CCDC171: variants seen among roughly 807,000 people sequenced by gnomAD.
CCDC171 encodes the protein coiled-coil domain containing 171.
A neutral mutation model predicts 168.2 loss-of-function variants in CCDC171; 177 were observed. The observed-to-expected ratio is 1.05, with a 90% confidence interval of 0.93 to 1.19. CCDC171 has a LOEUF of 1.19. Ranked by LOEUF, CCDC171 falls within the 50% of genes most tolerant of loss-of-function variation. CCDC171 has a pLI of 0.00. For missense variants in CCDC171, 1,991 were observed against 1,539.0 expected (o/e 1.29, Z -4.91); for synonymous variants, 687 against 540.8 (o/e 1.27, Z -3.75).
chr9:15,949,770 C>T lies in CCDC171; in HGVS notation c.3754-21839C>T, dbSNP rs937233377. On this transcript the variant is annotated intron_variant, in intron 25 of 25. Transcript: ENST00000380701. ...CTGCAAACAGGGACAATTTGACTTC[C>T]TCTTTTCCTAATTGAATACCCTTTA... Among the ~76,000 whole-genome samples, 109 of 152,106 alleles carry T rather than the reference C, an allele frequency of 7.2e-4. 1 individual carries two copies. Among genetic ancestry groups the T allele is most frequent in the African/African-American group, 2.4e-3 (99 of 41,422 alleles).
chr9:15,818,710 C>T (rs1365797716), intron 21 of CCDC171, among the ~76,000 whole-genome samples: 1 of 117,928 alleles, frequency 8.5e-6, no homozygotes, highest in Non-Finnish European at 1.9e-5. Context: ...ACCACATCTA[C>T]GTCTGATTGG....
chr9:15,806,982 A>G (rs543758574), intron 21 of CCDC171, among the ~76,000 whole-genome samples: 1 of 152,248 alleles, frequency 6.6e-6, no homozygotes, highest in Admixed American at 6.5e-5. Flanking sequence ...TTCAAGTTCC[A>G]AGATTCTCTT....
intron 6 of CCDC171, among the ~76,000 whole-genome samples, chr9:16,027,504 C>A (rs570610804): frequency 6.6e-6 from 1 of 152,124 alleles, no homozygotes; most frequent in African/African-American, 2.4e-5. Context: ...ACTTTTCTCC[C>A]CAAAATCAAA....
chr9:15,805,167 GTT>G (rs2059014696), intron 21 of CCDC171, among the ~76,000 whole-genome samples: 1 of 150,812 alleles, frequency 6.6e-6, no homozygotes, highest in Admixed American at 6.6e-5. Flanking sequence ...CTAGTAGTCT[GTT>G]TTATTAAGTT....
At chr9:15,841,779 T>C (rs1052201737) in intron 21 of CCDC171, among the ~76,000 whole-genome samples, 21 of 151,952 alleles carry the variant, frequency 1.4e-4, no homozygotes, top group African/African-American at 7.2e-5. Context: ...AATATATTAT[T>C]CTTTAGTTTC....
chr9:15,898,728 G>A (rs990436126), intron 24 of CCDC171, among the ~76,000 whole-genome samples: 2 of 151,954 alleles, frequency 1.3e-5, no homozygotes, highest in African/African-American at 2.4e-5. Flanking sequence ...TAGATTCACA[G>A]AAAAGTACAA....
chr9:15,825,499 A>G (rs1233043727), intron 21 of CCDC171, among the ~76,000 whole-genome samples: 1 of 152,154 alleles, frequency 6.6e-6, no homozygotes, highest in South Asian at 2.1e-4. Flanking sequence ...TTAATTAAGG[A>G]TTAGAGTTTT....
In CCDC171 at chr9:15,994,894, A is replaced by C. The variant is rs140660303; in HGVS notation, n.369-25695A>C. 6.6e-3 allele frequency among the ~76,000 whole-genome samples: 1,011 copies of C among 152,248 alleles called. 18 individuals are homozygous for C. Among genetic ancestry groups the C allele is most frequent in the African/African-American group, 0.023 (956 of 41,556 alleles). ...TGGACTCTGATGGAATATTTTTTGC[A>C]TATGTAAGGAGGTCAGACATAATTT... On this transcript the variant is annotated intron_variant and non_coding_transcript_variant, in intron 3 of 9. Coordinates refer to the CCDC171 transcript ENST00000486641.
Position 15,973,507 on chromosome 9 carries a change from C to G in CCDC171, c.*1671C>G, listed in dbSNP as rs769026599. 5 of 152,112 alleles carry G rather than the reference C, an allele frequency of 3.3e-5. No individual in the cohort carries two copies. Among genetic ancestry groups the G allele is most frequent in the Non-Finnish European group, 5.9e-5 (4 of 68,006 alleles). 9.4% of individuals were successfully genotyped at this position (152,112 alleles called of 1,614,324 possible). A position where few individuals can be genotyped will look rare whatever the true frequency, so the allele number is the denominator to read the frequency against. Reference sequence around the variant, plus strand: ...TGTAACACATCCTATTCTTGTAATACTGAACCACTATAATTAGCTTTATAT... The same window carrying G: ...TGTAACACATCCTATTCTTGTAATAGTGAACCACTATAATTAGCTTTATAT... On this transcript the variant is annotated 3_prime_UTR_variant, in exon 26 of 26. Transcript: ENST00000380701.
intron 8 of CCDC171, among the ~76,000 whole-genome samples, chr9:15,663,949 C>T (rs2048522725): frequency 1.3e-5 from 2 of 152,068 alleles, no homozygotes; most frequent in South Asian, 2.1e-4. Context: ...AGAATAAACT[C>T]ATGTATTTTA....
chr9:16,095,973 T>C, the CCDC171 span, among the ~76,000 whole-genome samples: 1 of 150,984 alleles, frequency 6.6e-6, no homozygotes. Flanking sequence ...AGGCATTTGA[T>C]AAATATAATC....
At chr9:15,715,151 C>T (rs980403976) in intron 11 of CCDC171, among the ~76,000 whole-genome samples, 5 of 152,172 alleles carry the variant, frequency 3.3e-5, no homozygotes, top group African/African-American at 4.8e-5. Context: ...GAAGCAGGGA[C>T]TTCCGTTACT....
intron 23 of CCDC171, among the ~76,000 whole-genome samples, chr9:15,855,304 C>T (rs557471463): frequency 1.3e-4 from 19 of 151,836 alleles, no homozygotes; most frequent in Admixed American, 2.0e-4. Flanking sequence ...ATTATATTAT[C>T]TTTGTTTCTT....
chr9:15,971,909 C>T lies in CCDC171; in HGVS notation c.*73C>T. The T allele has an allele frequency of 1.5e-6, 2 of 1,320,754 alleles. No homozygotes were observed. Among genetic ancestry groups the T allele is most frequent in the South Asian group, 1.3e-5 (1 of 79,446 alleles). The allele number at this position is 1,320,754 out of a possible 1,614,324, so 81.8% of individuals were successfully genotyped here. ...TTGTTTTGAATGGGAATTTTCTTAT[C>T]AGTTGACTTTTGTTTCAGCAGAAGT... On this transcript the variant is annotated 3_prime_UTR_variant, in exon 26 of 26. Coordinates refer to ENST00000380701, the MANE Select transcript of CCDC171 (RefSeq NM_173550.4).
At chr9:15,583,069 T>C (rs1290791556) in intron 4 of CCDC171, among the ~76,000 whole-genome samples, 4 of 151,958 alleles carry the variant, frequency 2.6e-5, no homozygotes, top group Non-Finnish European at 5.9e-5. Context: ...CAATTCACAA[T>C]TGCAAAAATA....
chr9:15,876,917 C>T (rs1406028130), intron 24 of CCDC171, among the ~76,000 whole-genome samples: 1 of 152,036 alleles, frequency 6.6e-6, no homozygotes, highest in Non-Finnish European at 1.5e-5. Context: ...GGTATATGAA[C>T]CATTTGCCCA....
intron 3 of CCDC171, among the ~76,000 whole-genome samples, chr9:16,008,718 C>G (rs1286900732): frequency 6.6e-6 from 1 of 152,172 alleles, no homozygotes; most frequent in East Asian, 1.9e-4. Context: ...TCTCAGAGCA[C>G]AGCTAAGACT....
intron 24 of CCDC171, among the ~76,000 whole-genome samples, chr9:15,908,825 G>A (rs1823158747): frequency 6.6e-6 from 1 of 152,136 alleles, no homozygotes; most frequent in Admixed American, 6.5e-5. Flanking sequence ...GTGTTGGGGA[G>A]AGGGAGGTGC....
intron 14 of CCDC171, among the ~76,000 whole-genome samples, chr9:15,727,010 A>G (rs545687255): frequency 1.4e-4 from 21 of 152,298 alleles, no homozygotes; most frequent in African/African-American, 5.0e-4. Context: ...GCTTTATATG[A>G]ATTCTGCAGC....
Sources: allele counts gnomAD v4.1 joint callset (sites outside exome capture counted in the v4.1 genomes callset), GRCh38; gene constraint gnomAD v4.1.1; transcripts MANE v1.5; gene names NCBI Gene and HGNC (gene_info 2026-07-23, HGNC 2026-07-21).